The following SLC22A23 variants were observed in gnomAD, a reference collection of about 807,000 sequenced individuals.
SLC22A23 encodes ion transporter protein.
SLC22A23 carries 26 observed loss-of-function variants against 61.0 expected under a neutral mutation model. The observed-to-expected ratio is 0.43, with a 90% CI of 0.31 to 0.59. The LOEUF is 0.59. SLC22A23 is among the 20% of genes least tolerant of loss of function. The pLI, the probability that SLC22A23 is intolerant of heterozygous loss-of-function variation, is 0.11. For missense variants in SLC22A23, 796 were observed against 934.7 expected, an observed-to-expected ratio of 0.85 and a Z score of 1.94; for synonymous variants, 430 against 413.9, an observed-to-expected ratio of 1.04 and a Z score of -0.47.
intron 1 of SLC22A23, among the ~76,000 whole-genome samples, chr6:3,446,502 C>T (rs1771902554): frequency 1.3e-5 from 2 of 152,196 alleles, no homozygotes; most frequent in African/African-American, 4.8e-5. Context: ...TAATTAGCAT[C>T]CTCCCTTGTT....
At chr6:3,323,076 C>T (rs1361903076) in intron 4 of SLC22A23, among the ~76,000 whole-genome samples, 1 of 152,038 alleles carries the variant, frequency 6.6e-6, no homozygotes, top group African/African-American at 2.4e-5. Flanking sequence ...AACCCAGTTG[C>T]CCAGGTCAAA....
intron 5 of SLC22A23, chr6:3,290,876 C>G (rs1157003698): frequency 6.6e-6 from 1 of 152,222 alleles, no homozygotes; most frequent in East Asian, 1.9e-4. Context: ...GGGAGACTTC[C>G]CGAAGCGGAG....
chr6:3,362,239 A>G (rs1234167931), intron 3 of SLC22A23, among the ~76,000 whole-genome samples: 1 of 151,408 alleles, frequency 6.6e-6, no homozygotes, highest in Non-Finnish European at 1.5e-5. Context: ...CCCCGTCTCT[A>G]CTAAAATACA....
intron 4 of SLC22A23, among the ~76,000 whole-genome samples, chr6:3,321,400 A>G (rs968411786): frequency 1.3e-5 from 2 of 150,852 alleles, no homozygotes; most frequent in Non-Finnish European, 3.0e-5. Context: ...ACACGTACAC[A>G]TACATGCACA....
At chr6:3,453,377 G>A (rs1772243000) in intron 1 of SLC22A23, among the ~76,000 whole-genome samples, 1 of 152,126 alleles carries the variant, frequency 6.6e-6, no homozygotes, top group South Asian at 2.1e-4. Context: ...TGTTAACAAA[G>A]CACTCCCTTT....
At chr6:3,319,376 A>G (rs139373741) in intron 4 of SLC22A23, among the ~76,000 whole-genome samples, 1 of 152,282 alleles carries the variant, frequency 6.6e-6, no homozygotes, top group African/African-American at 2.4e-5. Flanking sequence ...CTGAACATTT[A>G]GGCCTCAGCA....
At chr6:3,341,737 T>C (rs961605626) in intron 3 of SLC22A23, among the ~76,000 whole-genome samples, 1 of 151,472 alleles carries the variant, frequency 6.6e-6, no homozygotes, top group Non-Finnish European at 1.5e-5. Flanking sequence ...GCACAATTCA[T>C]TGGTCATCTG....
chr6:3,402,478 A>T (rs1441335975), intron 3 of SLC22A23, among the ~76,000 whole-genome samples: 2 of 144,210 alleles, frequency 1.4e-5, no homozygotes, highest in Admixed American at 1.4e-4. Context: ...AATCACCCAC[A>T]CTACCCAGAG....
chr6:3,272,956 A>C lies in SLC22A23; in HGVS notation c.*99T>G. 9.0e-7 allele frequency: 1 copy of C among 1,112,746 alleles called. No individual in the cohort carries two copies. The highest frequency in any genetic ancestry group is 1.3e-6 in the Non-Finnish European group (1 of 788,622). 68.9% of individuals were successfully genotyped at this position (1,112,746 alleles called of 1,614,324 possible). A position where few individuals can be genotyped will look rare whatever the true frequency, so the allele number is the denominator to read the frequency against. On this transcript the variant is annotated 3_prime_UTR_variant, in exon 10 of 10. Transcript: ENST00000406686. ...CCAGTTGAGAGGCTCAGCTTGGCTG[A>C]GGCAGCTTTCCCACCCCTGGCTGCG...
intron 3 of SLC22A23, among the ~76,000 whole-genome samples, chr6:3,401,159 T>C (rs1370622304): frequency 1.3e-5 from 2 of 152,216 alleles, no homozygotes; most frequent in East Asian, 3.9e-4. Context: ...CTGGCCAACA[T>C]GGCAAAACCC....
Position 3,298,104 on chromosome 6 carries a change from C to T in SLC22A23, c.1197G>A (p.Lys399=), listed in dbSNP as rs779422734. 7.6e-6 allele frequency: 12 copies of T among 1,570,886 alleles called. No homozygotes were observed. In the East Asian group the frequency reaches 2.7e-4, roughly 35 times the overall value. Residue 399 remains lysine (K), a synonymous_variant, in exon 5 of 10, where the codon AAG becomes AAA. Transcript: ENST00000406686. ...CGGTGTGCTCACCTGGTATCACACC[C>T]TTGATGTCGCCCTCAGGGTTCATGC... The part of the protein sequence containing the change: ...KNRMNPEGDI[K]GVIPELEKEL...
intron 3 of SLC22A23, among the ~76,000 whole-genome samples, chr6:3,378,146 CATT>C (rs994328063): frequency 1.3e-5 from 2 of 152,238 alleles, no homozygotes; most frequent in Non-Finnish European, 2.9e-5. Flanking sequence ...TCCTCTTTAA[CATT>C]TAATATCACC....
rs749539758 is a variant in SLC22A23 at position 3,273,313 on chromosome 6, G to A, written c.1803C>T (p.His601=). The change falls in exon 10 of 10, where the codon CAC becomes CAT. Residue 601 remains histidine (H), a synonymous_variant. Coordinates refer to ENST00000406686, the MANE Select transcript of SLC22A23 (RefSeq NM_015482.2). ...TGAGCGTGCAGCAGGCAAAGATGAT[G>A]TGGTGCAGGAAGTAGCCTTTCTGGT... is the stretch of plus-strand genomic sequence containing the variant. ...LHNQKGYFLH[H]IIFACCTLIC... 5.0e-6 allele frequency: 8 copies of A among 1,614,122 alleles called. No individual in the cohort carries two copies. The South Asian group carries it at 8.8e-5, about 18-fold the overall frequency.
At chr6:3,336,601 T>C (rs1367654447) in intron 3 of SLC22A23, among the ~76,000 whole-genome samples, 8 of 152,196 alleles carry the variant, frequency 5.3e-5, no homozygotes, top group Admixed American at 1.3e-4. Flanking sequence ...GCGAGCTCCT[T>C]GAAAAGGAAA....
At chr6:3,378,353 AGACCTCG>A (rs1208045049) in intron 3 of SLC22A23, among the ~76,000 whole-genome samples, 1 of 152,212 alleles carries the variant, frequency 6.6e-6, no homozygotes, top group African/African-American at 2.4e-5. Flanking sequence ...AAGCACCTGC[AGACCTCG>A]GCCCGTGATT....
intron 1 of SLC22A23, chr6:3,439,197 G>C (rs2127548449): frequency 2.8e-6 from 1 of 362,932 alleles, no homozygotes; most frequent in South Asian, 2.1e-5. Flanking sequence ...CTACCCACCA[G>C]GCGCCAGTAG....
chr6:3,354,203 C>A (rs1764939177), intron 3 of SLC22A23, among the ~76,000 whole-genome samples: 1 of 152,240 alleles, frequency 6.6e-6, no homozygotes, highest in South Asian at 2.1e-4. Context: ...AAACACATAG[C>A]ATGGTGCACT....
intron 1 of SLC22A23, among the ~76,000 whole-genome samples, chr6:3,445,561 A>T (rs1244400269): frequency 6.6e-6 from 1 of 152,204 alleles, no homozygotes; most frequent in African/African-American, 2.4e-5. Context: ...TGTTAACCTC[A>T]TAAAGTCAAA....
intron 3 of SLC22A23, among the ~76,000 whole-genome samples, chr6:3,388,003 C>G (rs577944501): frequency 6.6e-6 from 1 of 152,112 alleles, no homozygotes; most frequent in Admixed American, 6.5e-5. Context: ...TTTTTCCCAC[C>G]AGTTATCCTA....
Sources: allele counts gnomAD v4.1 joint callset (sites outside exome capture counted in the v4.1 genomes callset), GRCh38; gene constraint gnomAD v4.1.1; transcripts MANE v1.5; gene names NCBI Gene and HGNC (gene_info 2026-07-23, HGNC 2026-07-21).